ZNF385B: variants seen among roughly 807,000 people sequenced by gnomAD.
ZNF385B encodes the protein zinc finger protein 385B.
In ZNF385B, 23 loss-of-function variants were observed where a neutral mutation model predicts 39.2. That is an observed-to-expected ratio of 0.59 (90% CI 0.42 to 0.83). ZNF385B has a LOEUF of 0.83. Among genes scored for constraint, ZNF385B ranks in the 40% least tolerant of loss-of-function variants. The probability of loss-of-function intolerance (pLI) is 0.00; values close to 1 mark genes in which losing one functional copy is unlikely to be tolerated. For synonymous variants in ZNF385B, 205 were observed against 222.6 expected, an observed-to-expected ratio of 0.92 and a Z score of 0.70; for missense variants, 552 against 598.9, an observed-to-expected ratio of 0.92 and a Z score of 0.82.
intron 3 of ZNF385B, among the ~76,000 whole-genome samples, chr2:179,722,148 G>A (rs915189225): frequency 2.0e-5 from 3 of 152,014 alleles, no homozygotes; most frequent in South Asian, 4.1e-4. Context: ...TATATATAAC[G>A]AGATGTGTGA....
chr2:179,608,785 G>T (rs1574969561), intron 3 of ZNF385B, among the ~76,000 whole-genome samples: 1 of 151,406 alleles, frequency 6.6e-6, no homozygotes, highest in South Asian at 2.1e-4. Flanking sequence ...AGTTCTCAAA[G>T]ATGAGAATAA....
At chr2:179,824,820 G>A (rs1707591201) in intron 1 of ZNF385B, among the ~76,000 whole-genome samples, 1 of 151,654 alleles carries the variant, frequency 6.6e-6, no homozygotes, top group Non-Finnish European at 1.5e-5. Flanking sequence ...GGCCATATAA[G>A]CTAGTTTGCT....
chr2:179,748,072 GAAATGGTACCT>G (rs1702479986), intron 3 of ZNF385B, among the ~76,000 whole-genome samples: 2 of 152,128 alleles, frequency 1.3e-5, no homozygotes, highest in Admixed American at 1.3e-4. Flanking sequence ...TATGGATTGG[GAAATGGTACCT>G]AAGCAGATGT....
chr2:179,653,111 G>C (rs1400074320), intron 3 of ZNF385B, among the ~76,000 whole-genome samples: 1 of 152,158 alleles, frequency 6.6e-6, no homozygotes, highest in Non-Finnish European at 1.5e-5. Flanking sequence ...GAAAACAGTT[G>C]AGTTCAGAAC....
chr2:179,681,285 A>G (rs1007262253), intron 3 of ZNF385B, among the ~76,000 whole-genome samples: 2 of 152,164 alleles, frequency 1.3e-5, no homozygotes, highest in Non-Finnish European at 2.9e-5. Context: ...TTTGTTAAAT[A>G]ACAGTAAAAA....
intron 1 of ZNF385B, among the ~76,000 whole-genome samples, chr2:179,826,583 G>C (rs1036243755): frequency 6.6e-6 from 1 of 152,090 alleles, no homozygotes; most frequent in Non-Finnish European, 1.5e-5. Flanking sequence ...CTCCCTTAAA[G>C]CAGGGGGTCA....
At chr2:179,702,060 T>A (rs1224911363) in intron 3 of ZNF385B, among the ~76,000 whole-genome samples, 1 of 151,982 alleles carries the variant, frequency 6.6e-6, no homozygotes, top group East Asian at 1.9e-4. Context: ...ACGTTTTCAT[T>A]TTTTTTTAAA....
At chr2:179,509,866 C>T (rs1033643600) in intron 5 of ZNF385B, among the ~76,000 whole-genome samples, 2 of 152,208 alleles carry the variant, frequency 1.3e-5, no homozygotes, top group African/African-American at 4.8e-5. Flanking sequence ...ATTATCACTA[C>T]TGTGGTTATC....
chr2:179,854,154 G>C (rs73032110), intron 1 of ZNF385B, among the ~76,000 whole-genome samples: 3,140 of 152,142 alleles, frequency 0.021, 94 homozygotes, highest in African/African-American at 0.072. Flanking sequence ...TTCTCCCTCA[G>C]CCTGTGAGAA....
intron 1 of ZNF385B, among the ~76,000 whole-genome samples, chr2:179,793,243 C>T (rs1401029910): frequency 2.0e-5 from 3 of 152,206 alleles, no homozygotes; most frequent in Non-Finnish European, 4.4e-5. Context: ...ATCTCAGGCT[C>T]TTTCCACTGT....
At chr2:179,754,304 G>A (rs1481602002) in intron 3 of ZNF385B, among the ~76,000 whole-genome samples, 1 of 152,148 alleles carries the variant, frequency 6.6e-6, no homozygotes, top group Non-Finnish European at 1.5e-5. Context: ...TGGTGGATAA[G>A]CTTTTTGATG....
chr2:179,793,127 T>A (rs1464868109), intron 1 of ZNF385B, among the ~76,000 whole-genome samples: 1 of 152,228 alleles, frequency 6.6e-6, no homozygotes, highest in African/African-American at 2.4e-5. Flanking sequence ...ATGGCCCCTT[T>A]TCTTTGCATA....
chr2:179,591,012 T>A (rs1428003253), intron 3 of ZNF385B, among the ~76,000 whole-genome samples: 4 of 152,028 alleles, frequency 2.6e-5, no homozygotes, highest in Non-Finnish European at 4.4e-5. Flanking sequence ...CCTAGAAAGT[T>A]AAGGTTTAAT....
At position 179,524,551 on chromosome 2, in the gene ZNF385B, C is replaced by CAAAAAAAAAAAAAAAAAAAAA. The variant is rs770219234; in HGVS notation, c.442-5934_442-5914dup. ...TGGGTGACAGAGCGAGACTCCGTCT[C>CAAAAAAAAAAAAAAAAAAAAA]AAAAAAAAAAAAAAAAAAAAAAAAA... On this transcript the variant is annotated intron_variant, in intron 4 of 9. Coordinates refer to ENST00000410066, the MANE Select transcript of ZNF385B (RefSeq NM_152520.6). Among the ~76,000 whole-genome samples, 6 of 60,992 alleles carry CAAAAAAAAAAAAAAAAAAAAA rather than the reference C, an allele frequency of 9.8e-5. 1 individual carries two copies. The highest frequency in any genetic ancestry group is 4.7e-4 in the African/African-American group (6 of 12,898). The allele number at this position is 60,992 out of a possible 152,430, so 40.0% of individuals were successfully genotyped here.
chr2:179,689,546 T>A (rs1379001381), intron 3 of ZNF385B, among the ~76,000 whole-genome samples: 2 of 152,062 alleles, frequency 1.3e-5, no homozygotes, highest in African/African-American at 2.4e-5. Context: ...AACAAGAGTG[T>A]AGGAGAAAGG....
chr2:179,850,068 A>G (rs1279939125), intron 1 of ZNF385B, among the ~76,000 whole-genome samples: 1 of 152,220 alleles, frequency 6.6e-6, no homozygotes, highest in Non-Finnish European at 1.5e-5. Flanking sequence ...ATGCTGTGGC[A>G]TATAGTAGGT....
At chr2:179,664,059 TA>T (rs144227195) in intron 3 of ZNF385B, among the ~76,000 whole-genome samples, 19,764 of 128,746 alleles carry the variant, frequency 0.15, 1,550 homozygotes, top group Non-Finnish European at 0.21. Context: ...AAGTAAAAAA[TA>T]TTTTTTTTTT....
At chr2:179,766,030 T>TCTCACACACACACACA (rs1553527783) in intron 3 of ZNF385B, among the ~76,000 whole-genome samples, 2 of 140,926 alleles carry the variant, frequency 1.4e-5, no homozygotes, top group East Asian at 4.4e-4. Context: ...GGTACATTGA[T>TCTCACACACACACACA]CACACACACA....
At chr2:179,551,079 C>T (rs1205001672) in intron 3 of ZNF385B, among the ~76,000 whole-genome samples, 1 of 152,000 alleles carries the variant, frequency 6.6e-6, no homozygotes, top group Non-Finnish European at 1.5e-5. Flanking sequence ...ACGTAAGACA[C>T]CTCCTATTTG....
Sources: gnomAD v4.1 joint callset for allele counts (sites outside exome capture counted in the v4.1 genomes callset) on GRCh38, gnomAD v4.1.1 for gene constraint, MANE v1.5 for transcripts, NCBI Gene and HGNC (gene_info 2026-07-23, HGNC 2026-07-21) for gene names.